The following MOSPD2 variants were observed in gnomAD, a reference collection of about 807,000 sequenced individuals.
MOSPD2 encodes motile sperm domain containing 2, also known as motile sperm domain-containing protein 2.
Under a neutral mutation model 41.7 loss-of-function variants are expected in MOSPD2, and 5 were observed. The ratio of observed to expected loss-of-function variants is 0.12; its 90% CI spans 0.06 to 0.25. The LOEUF (loss-of-function observed/expected upper bound fraction) is 0.25. Among genes scored for constraint, MOSPD2 ranks in the 10% least tolerant of loss-of-function variants. The pLI is 1.00. For synonymous variants in MOSPD2, 115 were observed against 126.9 expected (o/e 0.91, Z 0.63); for missense variants, 282 against 375.2 (o/e 0.75, Z 2.05).
chrX:14,918,350 A>G (rs901883202), intron 13 of MOSPD2, among the ~76,000 whole-genome samples: 1 of 111,963 alleles, frequency 8.9e-6, no homozygotes, highest in African/African-American at 3.2e-5. Context: ...CTGAAGCTCA[A>G]GGAAAGTACC....
chrX:14,900,987 TTATTA>T, intron 6 of MOSPD2, among the ~76,000 whole-genome samples: 2 of 111,894 alleles, frequency 1.8e-5, no homozygotes, highest in Admixed American at 1.9e-4. Context: ...CAAATAGTAT[TTATTA>T]TATGAAACTT....
intron 2 of MOSPD2, among the ~76,000 whole-genome samples, chrX:14,877,138 G>T (rs2147476242): frequency 9.0e-6 from 1 of 111,541 alleles, no homozygotes; most frequent in East Asian, 2.8e-4. Context: ...AGAGCCTTGG[G>T]CACCAGAGTC....
Position 14,921,338 on chromosome X carries a change from C to T in MOSPD2, c.*1529C>T. 1.1e-6 allele frequency: 1 copy of T among 936,324 alleles called. No homozygotes were observed. The highest frequency in any genetic ancestry group is 1.3e-6 in the Non-Finnish European group (1 of 755,014). 77.2% of individuals were successfully genotyped at this position (936,324 alleles called of 1,213,427 possible). ...TAGGAAATAAAACCTTAAAAGGACA[C>T]TGGTGTGCTACTTTGTCTTAATTTG... On this transcript the variant is annotated 3_prime_UTR_variant, in exon 15 of 15. Coordinates refer to ENST00000380492, the MANE Select transcript of MOSPD2 (RefSeq NM_152581.4).
At chrX:14,895,268 C>T (rs1230808501) in intron 3 of MOSPD2, 40 bp from the exon 4 acceptor site, 4 of 771,742 alleles carry the variant, frequency 5.2e-6, no homozygotes, top group Non-Finnish European at 7.9e-6. Flanking sequence ...TTTTTAAACC[C>T]CTAAATTACA....
In MOSPD2 at chrX:14,918,606, G is replaced by C. The variant is rs2092604173; in HGVS notation, c.1317-74G>C. 7.0e-6 allele frequency: 5 copies of C among 713,451 alleles called. No individual in the cohort carries two copies. The Admixed American group carries it at 1.7e-4, about 24-fold the overall frequency. 58.8% of individuals were successfully genotyped at this position (713,451 alleles called of 1,213,427 possible). A position where few individuals can be genotyped will look rare whatever the true frequency, so the allele number is the denominator to read the frequency against. ...GTTACATAGACTTCTGTGTATAACT[G>C]TTTTCATTTTATATTTTACTTTTAT... On this transcript the variant is annotated intron_variant, in intron 13 of 14. Coordinates refer to ENST00000380492, the MANE Select transcript of MOSPD2 (RefSeq NM_152581.4).
At chrX:14,879,923 C>T (rs987964206) in intron 2 of MOSPD2, among the ~76,000 whole-genome samples, 28 of 109,363 alleles carry the variant, frequency 2.6e-4, no homozygotes, top group Non-Finnish European at 9.5e-5. Context: ...CTTTTTTTTT[C>T]ATACCTTTAT....
intron 7 of MOSPD2, among the ~76,000 whole-genome samples, chrX:14,905,650 C>T (rs1032288088): frequency 9.1e-6 from 1 of 110,452 alleles, no homozygotes; most frequent in Admixed American, 9.7e-5. Flanking sequence ...CCTACCACCA[C>T]ACCTGGCTAA....
At chrX:14,895,880 C>T (rs774637619) in intron 4 of MOSPD2, among the ~76,000 whole-genome samples, 8 of 110,772 alleles carry the variant, frequency 7.2e-5, no homozygotes, top group Non-Finnish European at 1.5e-4. Context: ...CTCCCACTTG[C>T]CCCAAATCCA....
intron 14 of MOSPD2, among the ~76,000 whole-genome samples, chrX:14,919,244 T>G (rs757489195): frequency 8.9e-6 from 1 of 111,850 alleles, no homozygotes; most frequent in African/African-American, 3.2e-5. Context: ...CAGTGAGTTA[T>G]TTTTGGAGAT....
intron 2 of MOSPD2, among the ~76,000 whole-genome samples, chrX:14,879,369 T>C (rs2092527362): frequency 9.0e-6 from 1 of 111,596 alleles, no homozygotes; most frequent in African/African-American, 3.3e-5. Flanking sequence ...TAAAACTATT[T>C]TCATAATACT....
At chrX:14,908,044 G>A (rs1057118023) in intron 7 of MOSPD2, among the ~76,000 whole-genome samples, 22 of 111,443 alleles carry the variant, frequency 2.0e-4, no homozygotes, top group African/African-American at 6.9e-4. Flanking sequence ...CTTAGTTTCT[G>A]TTTTTTTAAT....
chrX:14,910,592 C>T (rs1013552506), intron 8 of MOSPD2, among the ~76,000 whole-genome samples: 20 of 111,117 alleles, frequency 1.8e-4, no homozygotes, highest in African/African-American at 6.5e-4. Context: ...ATGTGTGCAG[C>T]GAGAATGCAT....
At chrX:14,913,400 G>A (rs1039205246) in intron 10 of MOSPD2, among the ~76,000 whole-genome samples, 1 of 111,290 alleles carries the variant, frequency 9.0e-6, no homozygotes, top group Admixed American at 9.6e-5. Flanking sequence ...CCCTTCCTCC[G>A]CCCCCGGTGA....
rs1384952650 is a variant in MOSPD2 at position 14,873,565 on chromosome X, C to A, written c.9+28C>A. 2.5e-6 allele frequency: 3 copies of A among 1,209,420 alleles called. No individual in the cohort carries two copies. In the Admixed American group the frequency reaches 6.5e-5, roughly 26 times the overall value. On this transcript the variant is annotated intron_variant, in intron 1 of 14. Transcript: ENST00000380492. ...GAGGAGCCTATTGCACCGCCGCTGG[C>A]CCCCCGGACCCGGAAGCCGCCTCTG... is the stretch of plus-strand genomic sequence containing the variant.
At chrX:14,889,436 T>G (rs1488588925) in intron 2 of MOSPD2, among the ~76,000 whole-genome samples, 3 of 111,402 alleles carry the variant, frequency 2.7e-5, no homozygotes, top group Non-Finnish European at 5.7e-5. Flanking sequence ...CCTTCAATGC[T>G]CAGTTTATTC....
intron 2 of MOSPD2, chrX:14,885,573 CTACAT>C (rs922027910): frequency 3.6e-5 from 4 of 111,537 alleles, no homozygotes; most frequent in African/African-American, 1.3e-4. Flanking sequence ...TTCAATAACT[CTACAT>C]TATATAGGAT....
intron 13 of MOSPD2, 32 bp from the exon 14 acceptor site, chrX:14,918,648 T>A (rs780316213): frequency 1.0e-6 from 1 of 999,103 alleles, no homozygotes; most frequent in East Asian, 3.1e-5. Flanking sequence ...ATTAACTTTT[T>A]AAGAAGTTAT....
At chrX:14,899,565 TACACACACACACACACAC>T (rs59555716) in intron 5 of MOSPD2, among the ~76,000 whole-genome samples, 2 of 81,049 alleles carry the variant, frequency 2.5e-5, no homozygotes, top group South Asian at 6.5e-4. Flanking sequence ...ATTATATACA[TACACACACACACACACAC>T]ACACACACAC....
At chrX:14,908,119 C>G (rs2092585359) in intron 7 of MOSPD2, among the ~76,000 whole-genome samples, 1 of 110,753 alleles carries the variant, frequency 9.0e-6, no homozygotes, top group African/African-American at 3.3e-5. Context: ...CTTAGATTGT[C>G]ACAGTGAAAA....
Sources: allele counts gnomAD v4.1 joint callset (sites outside exome capture counted in the v4.1 genomes callset), GRCh38; gene constraint gnomAD v4.1.1; transcripts MANE v1.5; gene names NCBI Gene and HGNC (gene_info 2026-07-23, HGNC 2026-07-21).